The following GGACT variants were observed in gnomAD, a reference collection of about 807,000 sequenced individuals.
GGACT encodes gamma-glutamylamine cyclotransferase, also known as gamma-glutamylaminecyclotransferase.
For synonymous variants in GGACT, 118 were observed against 115.3 expected, an observed-to-expected ratio of 1.02 and a Z score of -0.15; for missense variants, 241 against 233.2, an observed-to-expected ratio of 1.03 and a Z score of -0.22.
At chr13:100,585,114 C>A (rs1211632078) in intron 1 of GGACT, among the ~76,000 whole-genome samples, 1 of 152,120 alleles carries the variant, frequency 6.6e-6, no homozygotes, top group East Asian at 1.9e-4. Context: ...CAAGCCAAAC[C>A]ACACTCCACG....
chr13:100,585,253 C>T (rs1346175881), intron 1 of GGACT, among the ~76,000 whole-genome samples: 6 of 152,194 alleles, frequency 3.9e-5, no homozygotes, highest in African/African-American at 1.4e-4. Context: ...CCACAGCCTG[C>T]GGGTAAGTCC....
chr13:100,584,386 CTT>C (rs1358158895), intron 1 of GGACT, among the ~76,000 whole-genome samples: 2 of 152,138 alleles, frequency 1.3e-5, no homozygotes, highest in African/African-American at 2.4e-5. Flanking sequence ...GAAAGACAAA[CTT>C]TGCATGTTCT....
chr13:100,579,831 G>A (rs996824288), intron 2 of GGACT, among the ~76,000 whole-genome samples: 5 of 152,170 alleles, frequency 3.3e-5, no homozygotes, highest in Non-Finnish European at 7.3e-5. Context: ...AACACGTTTT[G>A]CTTTTCTATT....
At chr13:100,564,853 A>G (rs1312876863) in intron 2 of GGACT, among the ~76,000 whole-genome samples, 3 of 152,210 alleles carry the variant, frequency 2.0e-5, no homozygotes. Flanking sequence ...TGAACCCAGC[A>G]GAAGCCAGGC....
Position 100,530,913 on chromosome 13 carries a change from G to T in GGACT, c.*1217C>A, listed in dbSNP as rs913832510. ...CCCTCATCAAGCACAGGGCCGCCACGAGCTCATCAGCTGAGACCCAGCGTA... is the reference window on the plus strand; with the variant it reads ...CCCTCATCAAGCACAGGGCCGCCACTAGCTCATCAGCTGAGACCCAGCGTA... On this transcript the variant is annotated 3_prime_UTR_variant, in exon 3 of 3. Coordinates refer to ENST00000683975, the MANE Select transcript of GGACT (RefSeq NM_001195087.2). 1.3e-5 allele frequency: 2 copies of T among 152,584 alleles called. No individual in the cohort carries two copies. Among genetic ancestry groups the T allele is most frequent in the Non-Finnish European group, 2.9e-5 (2 of 68,240 alleles). 9.5% of individuals were successfully genotyped at this position (152,584 alleles called of 1,614,324 possible). A position where few individuals can be genotyped will look rare whatever the true frequency, so the allele number is the denominator to read the frequency against.
chr13:100,542,058 T>G (rs1432884013), intron 2 of GGACT, among the ~76,000 whole-genome samples: 1 of 148,926 alleles, frequency 6.7e-6, no homozygotes, highest in Non-Finnish European at 1.5e-5. Flanking sequence ...CTTGTCCCCA[T>G]GGGGACTGAG....
chr13:100,581,124 A>G (rs960885254), intron 2 of GGACT, among the ~76,000 whole-genome samples: 2 of 152,230 alleles, frequency 1.3e-5, no homozygotes, highest in Non-Finnish European at 2.9e-5. Flanking sequence ...ATTTAGTGAT[A>G]TGTGTATATA....
In GGACT at chr13:100,567,080, T is replaced by C. The variant is rs528406615; in HGVS notation, c.-11+16745A>G. Among the ~76,000 whole-genome samples, 7 of 152,360 alleles carry C rather than the reference T, an allele frequency of 4.6e-5. No individual in the cohort carries two copies. In the East Asian group the frequency reaches 9.6e-4, roughly 21 times the overall value. The stretch of plus-strand genomic sequence containing the variant: ...TTGAGCAGGAATCTTTCCGAAATGA[T>C]GCTATGTTCTTCTCACTGCCTCCTA... On this transcript the variant is annotated intron_variant, in intron 2 of 2. Transcript: ENST00000683975.
At chr13:100,565,577 ACC>A (rs1029314352) in intron 2 of GGACT, among the ~76,000 whole-genome samples, 4 of 151,970 alleles carry the variant, frequency 2.6e-5, no homozygotes, top group African/African-American at 9.7e-5. Flanking sequence ...ACTCAGGTTA[ACC>A]CCCCTTTCCT....
At chr13:100,582,037 G>A (rs1045740174) in intron 2 of GGACT, among the ~76,000 whole-genome samples, 3 of 152,288 alleles carry the variant, frequency 2.0e-5, no homozygotes, top group East Asian at 1.9e-4. Flanking sequence ...ACCAGTATGC[G>A]CTCATGAAAT....
chr13:100,542,369 C>T (rs1201455093), intron 2 of GGACT, among the ~76,000 whole-genome samples: 1 of 152,208 alleles, frequency 6.6e-6, no homozygotes, highest in Non-Finnish European at 1.5e-5. Context: ...GGACGCTGGC[C>T]TTACTCTTAA....
chr13:100,543,239 G>A (rs1245864200), intron 2 of GGACT, among the ~76,000 whole-genome samples: 1 of 105,490 alleles, frequency 9.5e-6, no homozygotes, highest in African/African-American at 3.9e-5. Context: ...ACGGAGTGTC[G>A]CTCTGTCACC....
intron 2 of GGACT, among the ~76,000 whole-genome samples, chr13:100,580,915 G>A (rs1431315167): frequency 6.6e-6 from 1 of 152,198 alleles, no homozygotes; most frequent in African/African-American, 2.4e-5. Context: ...GGGCGAGATG[G>A]CAATTCCAAC....
intron 2 of GGACT, among the ~76,000 whole-genome samples, chr13:100,541,239 G>A (rs545011968): frequency 6.6e-6 from 1 of 152,316 alleles, no homozygotes; most frequent in South Asian, 2.1e-4. Context: ...ATCAGGAAAG[G>A]CAACCTCAGA....
rs1240965947 is a variant in GGACT at position 100,532,404 on chromosome 13, A to G, written c.188T>C (p.Val63Ala). 6.5e-7 allele frequency: 1 copy of G among 1,550,216 alleles called. No individual in the cohort carries two copies. The highest frequency in any genetic ancestry group is 8.7e-7 in the Non-Finnish European group (1 of 1,146,642). Reference sequence around the variant, plus strand: ...GTCTACCGCGTAGACCTCGCCCTCCACGAGGCGCCCCGAGCCGGGCAGGTG... The same window carrying G: ...GTCTACCGCGTAGACCTCGCCCTCCGCGAGGCGCCCCGAGCCGGGCAGGTG... ...LLHLPGSGRLVEGEVYAVDER... is the reference protein window; with the variant it reads ...LLHLPGSGRLAEGEVYAVDER... The change falls in exon 3 of 3, where the codon GTG (valine) becomes GCG (alanine). Residue 63 changes from valine to alanine, a missense_variant. Physicochemically the swap from Val to Ala is moderately conservative, Grantham distance 64 (BLOSUM62 0). Transcript: ENST00000683975.
At chr13:100,536,560 T>A (rs1156759272) in intron 2 of GGACT, 1 of 152,230 alleles carries the variant, frequency 6.6e-6, no homozygotes. Flanking sequence ...ATATATTTTT[T>A]AAGTTTTCTT....
intron 2 of GGACT, chr13:100,533,379 G>A (rs2088445049): frequency 6.6e-6 from 1 of 152,238 alleles, no homozygotes. Flanking sequence ...CTGGGAAAAG[G>A]CGCTCCTTGT....
chr13:100,584,221 T>C (rs1185419733), intron 1 of GGACT, among the ~76,000 whole-genome samples: 1 of 152,164 alleles, frequency 6.6e-6, no homozygotes, highest in Non-Finnish European at 1.5e-5. Flanking sequence ...CCCAGTGACC[T>C]AGAGAAAGGG....
chr13:100,538,045 G>A (rs529862273), intron 2 of GGACT: 1 of 152,384 alleles, frequency 6.6e-6, no homozygotes, highest in South Asian at 2.1e-4. Context: ...TCACCTGGGT[G>A]TACTGGGCCC....
Sources: gnomAD v4.1 joint callset for allele counts (sites outside exome capture counted in the v4.1 genomes callset) on GRCh38, gnomAD v4.1.1 for gene constraint, MANE v1.5 for transcripts, NCBI Gene and HGNC (gene_info 2026-07-23, HGNC 2026-07-21) for gene names.